Variants in HIGD1B observed in about 807,000 individuals in gnomAD.
HIGD1B encodes the protein HIG1 hypoxia inducible domain family member 1B.
In HIGD1B, 9 loss-of-function variants were observed where a neutral mutation model predicts 8.8. That is an observed-to-expected ratio of 1.02 (90% confidence interval 0.62 to 1.78). The LOEUF (loss-of-function observed/expected upper bound fraction) is 1.78. HIGD1B is among the 40% of genes most tolerant of loss of function. The pLI is 0.00. For synonymous variants in HIGD1B, 47 were observed against 38.8 expected (o/e 1.21, Z -0.78); for missense variants, 126 against 111.8 (o/e 1.13, Z -0.57).
intron 2 of HIGD1B, 133 bp downstream of exon 2, chr17:44,849,521 G>C (rs138189161): frequency 9.7e-7 from 1 of 1,029,984 alleles, no homozygotes; most frequent in African/African-American, 1.6e-5. Flanking sequence ...CAACACTTTG[G>C]GAGGCCAAGG....
chr17:44,849,758 CAAAAAAA>C (rs61617877), intron 2 of HIGD1B, among the ~76,000 whole-genome samples: 3 of 52,540 alleles, frequency 5.7e-5, no homozygotes, highest in South Asian at 7.9e-4. Flanking sequence ...GACTCTGTCT[CAAAAAAA>C]AAAAAAAAAA....
At chr17:44,849,181 GGT>G in intron 1 of HIGD1B, 71 bp from the exon 2 acceptor site, 1 of 1,558,794 alleles carries the variant, frequency 6.4e-7, no homozygotes, top group African/African-American at 1.4e-5. Flanking sequence ...CAGCCTGCCT[GGT>G]AAGGTATCTC....
Position 44,849,339 on chromosome 17 carries a change from T to C in HIGD1B, c.186T>C (p.Ile62=), listed in dbSNP as rs755606553. ...RGSTKMSIHL[I]HTRVAAQACA... Reference sequence around the variant, plus strand: ...CCACCAAGATGTCCATACACCTGATTCACACCCGAGTGGCAGCGCAGGCCT... The same window carrying C: ...CCACCAAGATGTCCATACACCTGATCCACACCCGAGTGGCAGCGCAGGCCT... Residue 62 remains isoleucine (I), a synonymous_variant, in exon 2 of 3, where the codon ATT becomes ATC. Transcript: ENST00000253410. The C allele has an allele frequency of 3.1e-5, 50 of 1,614,046 alleles. No homozygotes were observed. Among genetic ancestry groups the C allele is most frequent in the Admixed American group, 5.0e-5 (3 of 59,986 alleles).
chr17:44,849,400 T>G lies in HIGD1B; in HGVS notation c.235+12T>G. The G allele has an allele frequency of 6.2e-7, 1 of 1,613,672 alleles. No homozygotes were observed. The highest frequency in any genetic ancestry group is 8.5e-7 in the Non-Finnish European group (1 of 1,179,782). Reference sequence around the variant, plus strand: ...TGCAATCATGCTAGGTGAGTAGCTTTGTGGGGTCGCAGAATGAGGGCAAAA... The same window carrying G: ...TGCAATCATGCTAGGTGAGTAGCTTGGTGGGGTCGCAGAATGAGGGCAAAA... On this transcript the variant is annotated intron_variant, in intron 2 of 2. Transcript: ENST00000253410.
At chr17:44,847,215 T>C (rs368096629), upstream of HIGD1B, among the ~76,000 whole-genome samples, 1,369 of 149,098 alleles carry the variant, frequency 9.2e-3, 14 homozygotes, top group African/African-American at 0.032. Context: ...AGGTGGATCA[T>C]GAGGTCAGGA....
At chr17:44,846,798 A>AG, upstream of HIGD1B, among the ~76,000 whole-genome samples, 1 of 124,038 alleles carries the variant, frequency 8.1e-6, no homozygotes, top group Admixed American at 7.7e-5. Context: ...AAAAAAAAAA[A>AG]GAAGAAAAAG....
upstream of HIGD1B, among the ~76,000 whole-genome samples, chr17:44,847,369 C>T (rs2050334088): frequency 6.6e-6 from 1 of 151,940 alleles, no homozygotes; most frequent in African/African-American, 2.4e-5. Context: ...GGAAGCGGAG[C>T]TTGCAGTGAG....
Position 44,848,114 on chromosome 17 carries a change from G to T in HIGD1B, c.-39G>T, listed in dbSNP as rs370790884. The T allele has an allele frequency of 6.6e-5, 57 of 859,304 alleles. No homozygotes were observed. The highest frequency in any genetic ancestry group is 1.1e-4 in the Non-Finnish European group (54 of 492,468). The allele number at this position is 859,304 out of a possible 1,614,324, so 53.2% of individuals were successfully genotyped here. ...TGCCTCTCTCTAGGACGGGGCTGCA[G>T]CATAGGAGTCTCAGCTGCTTACATC... On this transcript the variant is annotated 5_prime_UTR_variant, in exon 1 of 3. Coordinates refer to ENST00000253410, the MANE Select transcript of HIGD1B (RefSeq NM_016438.4).
rs1327454773 is a variant in HIGD1B, at chr17:44,848,117, T to C, written c.-36T>C. On this transcript the variant is annotated 5_prime_UTR_variant, in exon 1 of 3. Transcript: ENST00000253410. ...CTCTCTCTAGGACGGGGCTGCAGCA[T>C]AGGAGTCTCAGCTGCTTACATCCAG... The C allele has an allele frequency of 3.5e-6, 3 of 859,862 alleles. No homozygotes were observed. Among genetic ancestry groups the C allele is most frequent in the Non-Finnish European group, 6.1e-6 (3 of 492,552 alleles). 53.3% of individuals were successfully genotyped at this position (859,862 alleles called of 1,614,324 possible).
chr17:44,847,778 G>C (rs1047391870), upstream of HIGD1B: 1 of 184,318 alleles, frequency 5.4e-6, no homozygotes, highest in African/African-American at 2.4e-5. Flanking sequence ...CAGCACTCAA[G>C]GACTGTTTCT....
chr17:44,849,013 G>A, intron 1 of HIGD1B: 1 of 413,720 alleles, frequency 2.4e-6, no homozygotes, highest in Non-Finnish European at 4.4e-6. Context: ...AACTTCAGGT[G>A]ATCCACCTGC....
At position 44,848,200 on chromosome 17, in the gene HIGD1B, T is replaced by C; in HGVS notation, c.48T>C (p.Cys16=). The C allele has an allele frequency of 1.1e-6, 1 of 872,880 alleles. No homozygotes were observed. The highest frequency in any genetic ancestry group is 1.6e-5 in the African/African-American group (1 of 61,436). 54.1% of individuals were successfully genotyped at this position (872,880 alleles called of 1,614,324 possible). A position where few individuals can be genotyped will look rare whatever the true frequency, so the allele number is the denominator to read the frequency against. Residue 16 remains cysteine, a synonymous_variant, in exon 1 of 3, where the codon TGT becomes TGC. Transcript: ENST00000253410. ...GGGTACCACCTGACGACGAAGACTG[T>C]GTGTCTGAGAAGCTCCTGAGGAAGA... ...RWWVPPDDED[C]VSEKLLRKTR...
At position 44,850,383 on chromosome 17, in the gene HIGD1B, C is replaced by T. The variant is rs2050424161; in HGVS notation, c.287C>T (p.Ala96Val). The change falls in exon 3 of 3, where the codon GCT (alanine) becomes GTT (valine). Residue 96 changes from alanine to valine, a missense_variant. Ala to Val is a moderately conservative substitution (Grantham distance 64, BLOSUM62 0). Coordinates refer to ENST00000253410, the MANE Select transcript of HIGD1B (RefSeq NM_016438.4). ...SDYVKRMAQDAGEK is the reference protein window; with the variant it reads ...SDYVKRMAQDVGEK ...TACGTCAAGAGGATGGCACAGGATGCTGGAGAGAAGTAGGACTCCTATAGG... is the reference window on the plus strand; with the variant it reads ...TACGTCAAGAGGATGGCACAGGATGTTGGAGAGAAGTAGGACTCCTATAGG... 4 of 1,612,542 alleles carry T rather than the reference C, an allele frequency of 2.5e-6. No homozygotes were observed. In the South Asian group the frequency reaches 4.4e-5, roughly 18 times the overall value.
chr17:44,848,375 A>T, intron 1 of HIGD1B, 123 bp downstream of exon 1: 1 of 638,308 alleles, frequency 1.6e-6, no homozygotes, highest in Non-Finnish European at 2.8e-6. Flanking sequence ...GGAACAAGGG[A>T]AACAACAGCA....
At chr17:44,847,809 T>C (rs1294224616), upstream of HIGD1B, 3 of 196,598 alleles carry the variant, frequency 1.5e-5, no homozygotes, top group South Asian at 1.9e-4. Flanking sequence ...TCTGTGGACT[T>C]TTCCAGCTGT....
At chr17:44,850,243 G>C (rs1597784449) in intron 2 of HIGD1B, 89 bp from the exon 3 acceptor site, 1 of 980,314 alleles carries the variant, frequency 1.0e-6, no homozygotes, top group East Asian at 2.5e-5. Flanking sequence ...CAAGGGAGCA[G>C]CTAGAGGTGA....
chr17:44,850,056 C>G, intron 2 of HIGD1B: 1 of 344,032 alleles, frequency 2.9e-6, no homozygotes. Context: ...TGTAACATGA[C>G]AATAACCACC....
At chr17:44,849,160 A>T in intron 1 of HIGD1B, 94 bp from the exon 2 acceptor site, 2 of 1,463,368 alleles carry the variant, frequency 1.4e-6, no homozygotes. Context: ...CCAGCTGTTT[A>T]TCCAGATGCC....
chr17:44,846,708 T>G (rs1009197898), upstream of HIGD1B, among the ~76,000 whole-genome samples: 1 of 151,350 alleles, frequency 6.6e-6, no homozygotes, highest in Non-Finnish European at 1.5e-5. Context: ...GTGGAAGGAC[T>G]GCTTGAGTCT....
Sources: gnomAD v4.1 joint callset for allele counts (sites outside exome capture counted in the v4.1 genomes callset) on GRCh38, gnomAD v4.1.1 for gene constraint, MANE v1.5 for transcripts, NCBI Gene and HGNC (gene_info 2026-07-23, HGNC 2026-07-21) for gene names.